Variants in CFAP299 observed in about 807,000 individuals in gnomAD.
CFAP299 encodes the protein cilia and flagella associated protein 299, also known as cilia- and flagella-associated protein 299.
Under a neutral mutation model 27.0 loss-of-function variants are expected in CFAP299, and 21 were observed. The ratio of observed to expected loss-of-function variants is 0.78; its 90% CI spans 0.55 to 1.12. The LOEUF (loss-of-function observed/expected upper bound fraction) is 1.12, where lower values mean the gene tolerates loss of function less well. Among genes scored for constraint, CFAP299 ranks in the 50% most tolerant of loss-of-function variants. The pLI is 0.00. For synonymous variants in CFAP299, 104 were observed against 98.1 expected (o/e 1.06, Z -0.36); for missense variants, 310 against 276.6 (o/e 1.12, Z -0.86).
intron 3 of CFAP299, among the ~76,000 whole-genome samples, chr4:80,788,200 T>G (rs1469251322): frequency 6.6e-6 from 1 of 152,060 alleles, no homozygotes; most frequent in Non-Finnish European, 1.5e-5. Flanking sequence ...CCAACTCAAA[T>G]GTGAACTCAT....
chr4:80,445,639 T>C (rs1398049351), intron 2 of CFAP299, among the ~76,000 whole-genome samples: 1 of 152,186 alleles, frequency 6.6e-6, no homozygotes, highest in Non-Finnish European at 1.5e-5. Flanking sequence ...AACTTGCACA[T>C]TCTGCACATG....
At chr4:80,453,369 A>G (rs1031090516) in intron 2 of CFAP299, among the ~76,000 whole-genome samples, 1 of 152,204 alleles carries the variant, frequency 6.6e-6, no homozygotes, top group Non-Finnish European at 1.5e-5. Context: ...AAACTAAGAC[A>G]TGAGTTCTCA....
chr4:80,755,224 G>A (rs151014996), intron 3 of CFAP299, among the ~76,000 whole-genome samples: 78 of 152,064 alleles, frequency 5.1e-4, no homozygotes, highest in African/African-American at 1.8e-3. Context: ...TGCTGCTTGA[G>A]AGACATGAGT....
At chr4:80,859,410 A>C (rs975555572) in intron 3 of CFAP299, among the ~76,000 whole-genome samples, 1 of 151,766 alleles carries the variant, frequency 6.6e-6, no homozygotes, top group East Asian at 1.9e-4. Flanking sequence ...GTCCATTTAC[A>C]TTTAAAGTTA....
chr4:80,568,383 T>G (rs996911615), intron 2 of CFAP299, among the ~76,000 whole-genome samples: 1 of 152,198 alleles, frequency 6.6e-6, no homozygotes, highest in Admixed American at 6.6e-5. Flanking sequence ...AATACTAGAA[T>G]GGTATAAAAT....
intron 2 of CFAP299, among the ~76,000 whole-genome samples, chr4:80,579,088 C>G (rs1051985205): frequency 6.6e-6 from 1 of 152,120 alleles, no homozygotes; most frequent in Non-Finnish European, 1.5e-5. Context: ...TCTTTTCAGT[C>G]TCATATTCAA....
At chr4:80,843,543 T>C (rs1730985322) in intron 3 of CFAP299, among the ~76,000 whole-genome samples, 1 of 152,054 alleles carries the variant, frequency 6.6e-6, no homozygotes, top group East Asian at 1.9e-4. Flanking sequence ...CAAACATACG[T>C]GTGCATGTGT....
intron 5 of CFAP299, among the ~76,000 whole-genome samples, chr4:80,947,402 A>G (rs1282203445): frequency 6.6e-6 from 1 of 152,166 alleles, no homozygotes; most frequent in Non-Finnish European, 1.5e-5. Flanking sequence ...GCATTAGTAA[A>G]CAGAGTCCTA....
intron 5 of CFAP299, among the ~76,000 whole-genome samples, chr4:80,953,934 A>G (rs368429822): frequency 6.6e-6 from 1 of 152,200 alleles, no homozygotes; most frequent in South Asian, 2.1e-4. Context: ...GAGCAACCTA[A>G]TCAAACATGA....
intron 1 of CFAP299, among the ~76,000 whole-genome samples, chr4:80,343,770 C>T (rs1282961624): frequency 3.8e-5 from 5 of 132,184 alleles, no homozygotes; most frequent in Admixed American, 2.7e-4. Context: ...CAGTCCGGTC[C>T]GGCCTGGGCG....
At chr4:80,777,371 G>C (rs1327897008) in intron 3 of CFAP299, among the ~76,000 whole-genome samples, 2 of 152,010 alleles carry the variant, frequency 1.3e-5, no homozygotes, top group Non-Finnish European at 2.9e-5. Context: ...TGAGACATTG[G>C]ATTGTTTGAC....
chr4:80,802,089 TA>T (rs1310933762), intron 3 of CFAP299, among the ~76,000 whole-genome samples: 1 of 152,104 alleles, frequency 6.6e-6, no homozygotes, highest in African/African-American at 2.4e-5. Flanking sequence ...TGAATTAGTT[TA>T]AAATTGTCTA....
chr4:80,552,049 C>A (rs775558251), intron 2 of CFAP299, among the ~76,000 whole-genome samples: 1 of 152,018 alleles, frequency 6.6e-6, no homozygotes, highest in Non-Finnish European at 1.5e-5. Flanking sequence ...ATGCCCGGCC[C>A]GAAAGCTTTT....
rs201769690 is a variant in CFAP299 at position 80,713,737 on chromosome 4, A to T, written c.333+130554A>T. Reference sequence around the variant, plus strand: ...AGATCTTCTTTAGAGCTATGGCCTTATTCACTATGCTATGCAACCAAGCTT... The same window carrying T: ...AGATCTTCTTTAGAGCTATGGCCTTTTTCACTATGCTATGCAACCAAGCTT... On this transcript the variant is annotated intron_variant, in intron 3 of 5. Transcript: ENST00000358105. Among the ~76,000 whole-genome samples, 24 of 152,336 alleles carry T rather than the reference A, an allele frequency of 1.6e-4. No homozygotes were observed. In the East Asian group the frequency reaches 4.2e-3, roughly 27 times the overall value.
intron 2 of CFAP299, among the ~76,000 whole-genome samples, chr4:80,550,109 G>T (rs927655870): frequency 3.3e-5 from 5 of 151,718 alleles, no homozygotes; most frequent in African/African-American, 1.2e-4. Context: ...TATGATTATT[G>T]TATATGATTA....
chr4:80,479,723 T>C (rs1461828022), intron 2 of CFAP299, among the ~76,000 whole-genome samples: 2 of 152,022 alleles, frequency 1.3e-5, no homozygotes, highest in Non-Finnish European at 2.9e-5. Flanking sequence ...TAAGTAATTA[T>C]GTAGAATGCT....
chr4:80,887,707 A>G (rs1358667275), intron 4 of CFAP299, among the ~76,000 whole-genome samples: 1 of 152,144 alleles, frequency 6.6e-6, no homozygotes, highest in Non-Finnish European at 1.5e-5. Flanking sequence ...TAATTGTGGT[A>G]TAAATTACTC....
chr4:80,763,534 G>A (rs1231516237), intron 3 of CFAP299, among the ~76,000 whole-genome samples: 2 of 152,108 alleles, frequency 1.3e-5, no homozygotes, highest in Non-Finnish European at 2.9e-5. Flanking sequence ...ACTACTCATA[G>A]TAATTTATAG....
At chr4:80,617,939 G>T (rs749080160) in intron 3 of CFAP299, among the ~76,000 whole-genome samples, 1 of 151,876 alleles carries the variant, frequency 6.6e-6, no homozygotes, top group African/African-American at 2.4e-5. Context: ...AAATACGTAG[G>T]GTCATGTTTT....
Sources: gnomAD v4.1 joint callset for allele counts (sites outside exome capture counted in the v4.1 genomes callset) on GRCh38, gnomAD v4.1.1 for gene constraint, MANE v1.5 for transcripts, NCBI Gene and HGNC (gene_info 2026-07-23, HGNC 2026-07-21) for gene names.